The following FOXN2 variants were observed in gnomAD, a reference collection of about 807,000 sequenced individuals.
FOXN2 encodes forkhead box N2.
FOXN2 carries 19 observed loss-of-function variants against 41.2 expected under a neutral mutation model. The observed-to-expected ratio is 0.46, with a 90% CI of 0.32 to 0.68. The LOEUF is 0.68. Among genes scored for constraint, FOXN2 ranks in the 30% least tolerant of loss-of-function variants. The pLI, the probability that FOXN2 is intolerant of heterozygous loss-of-function variation, is 0.03. For missense variants in FOXN2, 587 were observed against 509.4 expected, an observed-to-expected ratio of 1.15 and a Z score of -1.47; for synonymous variants, 195 against 176.8, an observed-to-expected ratio of 1.10 and a Z score of -0.82.
intron 2 of FOXN2, among the ~76,000 whole-genome samples, chr2:48,335,673 A>G (rs895896471): frequency 6.6e-6 from 1 of 152,248 alleles, no homozygotes; most frequent in African/African-American, 2.4e-5. Context: ...AGACGGTGAC[A>G]ATTATATAGG....
Position 48,378,428 on chromosome 2 carries a change from C to A in FOXN2, c.*2985C>A, listed in dbSNP as rs1030103711. ...ACTTTCTGAGGCATTATGTAAAGGG[C>A]TCATACTAGATGTTCAGTTAAATAT... is the stretch of plus-strand genomic sequence containing the variant. On this transcript the variant is annotated 3_prime_UTR_variant, in exon 7 of 7. Transcript: ENST00000340553. The A allele has an allele frequency of 3.3e-5, 5 of 150,634 alleles. No individual in the cohort carries two copies. Among genetic ancestry groups the A allele is most frequent in the African/African-American group, 1.2e-4 (5 of 40,742 alleles). The allele number at this position is 150,634 out of a possible 1,614,324, so 9.3% of individuals were successfully genotyped here.
chr2:48,317,207 G>T (rs1005717685), intron 1 of FOXN2, among the ~76,000 whole-genome samples: 1 of 152,042 alleles, frequency 6.6e-6, no homozygotes, highest in Non-Finnish European at 1.5e-5. Flanking sequence ...CCAGCACTTT[G>T]GGAGGCTGAG....
chr2:48,360,420 G>C (rs1049745788), intron 4 of FOXN2, among the ~76,000 whole-genome samples: 15 of 152,090 alleles, frequency 9.9e-5, no homozygotes, highest in African/African-American at 2.4e-5. Context: ...AATCATCAAC[G>C]TTTCATATAG....
rs370567445 is a variant in FOXN2 at position 48,330,207 on chromosome 2, A to G, written c.-15+1505A>G. ...CTTTTGAATAAATCTGGAAAATACAATGCTGTGGCTTCCAGTCTTGAGAAA... is the reference window on the plus strand; with the variant it reads ...CTTTTGAATAAATCTGGAAAATACAGTGCTGTGGCTTCCAGTCTTGAGAAA... On this transcript the variant is annotated intron_variant, in intron 2 of 6. Transcript: ENST00000340553. Among the ~76,000 whole-genome samples the G allele has an allele frequency of 3.9e-5, 6 of 152,264 alleles. No individual in the cohort carries two copies. The East Asian group carries it at 1.2e-3, about 29-fold the overall frequency.
chr2:48,372,410 C>T (rs888549106), intron 5 of FOXN2, among the ~76,000 whole-genome samples: 3 of 151,972 alleles, frequency 2.0e-5, no homozygotes, highest in Non-Finnish European at 4.4e-5. Flanking sequence ...TAAAAATTTC[C>T]ACCTTTGAGA....
chr2:48,359,221 C>G, intron 4 of FOXN2, 74 bp downstream of exon 4: 1 of 999,830 alleles, frequency 1.0e-6, no homozygotes, highest in Non-Finnish European at 1.6e-6. Context: ...ACTTAAAGGT[C>G]CAGGGTATTA....
rs1377514384 is a variant in FOXN2, at chr2:48,375,333, G to C, written c.1186G>C (p.Glu396Gln). The C allele has an allele frequency of 6.2e-7, 1 of 1,613,538 alleles. No homozygotes were observed. Among genetic ancestry groups the C allele is most frequent in the African/African-American group, 1.3e-5 (1 of 74,912 alleles). The change falls in exon 7 of 7, where the codon GAG becomes CAG. Residue 396 changes from glutamate to glutamine, a missense_variant. By Grantham distance (29) the Glu-to-Gln change is conservative. Transcript: ENST00000340553. ...ACAGACATGTCAAGAAATTGATGAG[G>C]AGCTCAAAGAGGCAGCTGGATCTCT... ...RKQTCQEIDE[E>Q]LKEAAGSLLH...
intron 1 of FOXN2, among the ~76,000 whole-genome samples, chr2:48,323,102 T>C (rs1015714043): frequency 2.0e-5 from 3 of 152,174 alleles, no homozygotes; most frequent in African/African-American, 7.2e-5. Context: ...AGGGATTGGA[T>C]GAGGTGGACT....
At chr2:48,317,595 CTTTTTTTTTTT>C (rs574980247) in intron 1 of FOXN2, among the ~76,000 whole-genome samples, 352 of 34,736 alleles carry the variant, frequency 0.01, 2 homozygotes, top group African/African-American at 0.028. Context: ...TATAGTATTG[CTTTTTTTTTTT>C]TTTTTTTTTT....
intron 4 of FOXN2, among the ~76,000 whole-genome samples, chr2:48,360,943 G>T (rs1340464334): frequency 6.6e-6 from 1 of 150,926 alleles, no homozygotes; most frequent in African/African-American, 2.4e-5. Flanking sequence ...GAGCCTGGGA[G>T]GCAGATGTTG....
intron 6 of FOXN2, among the ~76,000 whole-genome samples, chr2:48,374,387 A>G (rs891073222): frequency 7.2e-5 from 11 of 152,312 alleles, no homozygotes; most frequent in African/African-American, 2.6e-4. Flanking sequence ...AATTTAAGTA[A>G]TTGAGAATGG....
At chr2:48,321,610 G>T (rs1368719473) in intron 1 of FOXN2, among the ~76,000 whole-genome samples, 1 of 151,892 alleles carries the variant, frequency 6.6e-6, no homozygotes, top group Non-Finnish European at 1.5e-5. Context: ...TACATTTTAT[G>T]TGGTAAGGGT....
At chr2:48,366,353 C>CAAAAA (rs372215355) in intron 5 of FOXN2, among the ~76,000 whole-genome samples, 1 of 92,274 alleles carries the variant, frequency 1.1e-5, no homozygotes, top group African/African-American at 4.4e-5. Context: ...AGTGAGACTC[C>CAAAAA]AAAAAAAAAA....
intron 3 of FOXN2, among the ~76,000 whole-genome samples, chr2:48,352,049 T>TTTTGGGCTTCAGTTG (rs1553413261): frequency 8.6e-6 from 1 of 115,618 alleles, no homozygotes; most frequent in Non-Finnish European, 2.0e-5. Context: ...TGGACTTCAG[T>TTTTGGGCTTCAGTTG]TTTGGGCTTC....
intron 5 of FOXN2, among the ~76,000 whole-genome samples, chr2:48,364,499 C>T (rs1385943572): frequency 7.9e-5 from 12 of 152,248 alleles, no homozygotes; most frequent in Middle Eastern, 3.4e-3. Context: ...CATAAACACA[C>T]ACATACTTTT....
chr2:48,352,727 A>C (rs369843650), intron 3 of FOXN2, among the ~76,000 whole-genome samples: 1 of 152,290 alleles, frequency 6.6e-6, no homozygotes, highest in East Asian at 1.9e-4. Flanking sequence ...TGCTCTTTGC[A>C]ATGCCTAAGT....
At chr2:48,365,354 G>C (rs1391966778) in intron 5 of FOXN2, among the ~76,000 whole-genome samples, 1 of 152,166 alleles carries the variant, frequency 6.6e-6, no homozygotes, top group Non-Finnish European at 1.5e-5. Flanking sequence ...GTCAAATGTG[G>C]TTTCTCTTTA....
chr2:48,359,767 C>T (rs1376976780), intron 4 of FOXN2, among the ~76,000 whole-genome samples: 1 of 151,934 alleles, frequency 6.6e-6, no homozygotes, highest in Non-Finnish European at 1.5e-5. Context: ...TAAGTAAACC[C>T]TAAAGAAAGT....
At chr2:48,326,228 C>T (rs1372933378) in intron 1 of FOXN2, among the ~76,000 whole-genome samples, 1 of 152,082 alleles carries the variant, frequency 6.6e-6, no homozygotes, top group Non-Finnish European at 1.5e-5. Flanking sequence ...GAAGAGTGTT[C>T]CAGGCAGAGG....
Sources: gnomAD v4.1 joint callset for allele counts (sites outside exome capture counted in the v4.1 genomes callset) on GRCh38, gnomAD v4.1.1 for gene constraint, MANE v1.5 for transcripts, NCBI Gene and HGNC (gene_info 2026-07-23, HGNC 2026-07-21) for gene names.